Variants in BABAM2 observed in about 807,000 individuals in gnomAD.
BABAM2 encodes BRISC and BRCA1-A complex member 2.
In BABAM2, 31 loss-of-function variants were observed where a neutral mutation model predicts 54.7. The ratio of observed to expected loss-of-function variants is 0.57; its 90% confidence interval spans 0.43 to 0.77. The LOEUF (loss-of-function observed/expected upper bound fraction) is 0.77. Among genes scored for constraint, BABAM2 ranks in the 30% least tolerant of loss-of-function variants. The pLI is 0.00. For missense variants in BABAM2, 364 were observed against 455.8 expected, an observed-to-expected ratio of 0.80 and a Z score of 1.83; for synonymous variants, 167 against 162.9, an observed-to-expected ratio of 1.03 and a Z score of -0.19.
At chr2:27,975,389 T>C (rs1267846944) in intron 3 of BABAM2, among the ~76,000 whole-genome samples, 1 of 152,056 alleles carries the variant, frequency 6.6e-6, no homozygotes, top group African/African-American at 2.4e-5. Context: ...AGAAGAGCCA[T>C]AGATCAATAG....
At chr2:28,239,935 T>C (rs1434135649) in intron 8 of BABAM2, among the ~76,000 whole-genome samples, 1 of 152,168 alleles carries the variant, frequency 6.6e-6, no homozygotes, top group African/African-American at 2.4e-5. Flanking sequence ...CTTAGCCAAG[T>C]GATCAGGCCC....
At chr2:28,235,915 C>T (rs1010195776) in intron 7 of BABAM2, among the ~76,000 whole-genome samples, 37 of 152,294 alleles carry the variant, frequency 2.4e-4, no homozygotes, top group African/African-American at 8.9e-4. Context: ...CAACCTCAGC[C>T]TCCCAAAGTG....
chr2:28,107,540 G>A (rs1171480035), intron 6 of BABAM2, among the ~76,000 whole-genome samples: 2 of 152,040 alleles, frequency 1.3e-5, no homozygotes, highest in Non-Finnish European at 2.9e-5. Flanking sequence ...CTTTCCGTGT[G>A]CTGTCATCTC....
At chr2:28,015,621 T>G (rs1674744538) in intron 4 of BABAM2, among the ~76,000 whole-genome samples, 1 of 152,170 alleles carries the variant, frequency 6.6e-6, no homozygotes. Context: ...GGCTACTGAA[T>G]AGTCCAGGAA....
chr2:28,044,515 G>A (rs1370239234), intron 5 of BABAM2, among the ~76,000 whole-genome samples: 1 of 152,220 alleles, frequency 6.6e-6, no homozygotes, highest in Non-Finnish European at 1.5e-5. Context: ...ACAGGCATGA[G>A]CCACCATGCC....
chr2:28,302,194 A>G (rs1005596241), intron 11 of BABAM2, among the ~76,000 whole-genome samples: 1 of 152,186 alleles, frequency 6.6e-6, no homozygotes, highest in Non-Finnish European at 1.5e-5. Context: ...AAGCGGGCGG[A>G]TCACCTGAGG....
chr2:28,271,155 G>C (rs778666792), intron 10 of BABAM2, among the ~76,000 whole-genome samples: 1 of 152,240 alleles, frequency 6.6e-6, no homozygotes, highest in Non-Finnish European at 1.5e-5. Context: ...GGCAGTGTTT[G>C]AGATAAAAGG....
chr2:28,293,396 C>G (rs1204308604), intron 10 of BABAM2, among the ~76,000 whole-genome samples: 1 of 152,128 alleles, frequency 6.6e-6, no homozygotes, highest in African/African-American at 2.4e-5. Context: ...AGCATGTTTG[C>G]TTGGGAAGGT....
At chr2:27,925,454 A>G (rs758768448) in intron 2 of BABAM2, among the ~76,000 whole-genome samples, 5 of 151,966 alleles carry the variant, frequency 3.3e-5, no homozygotes, top group African/African-American at 2.4e-5. Flanking sequence ...AGTGGTTATT[A>G]TTATTATTAT....
intron 7 of BABAM2, among the ~76,000 whole-genome samples, chr2:28,236,794 G>C (rs1038692): frequency 0.86 from 131,115 of 152,212 alleles, 57,669 homozygotes; most frequent in East Asian, 1. Flanking sequence ...TGGCCGATAA[G>C]CTGTAGAACT....
chr2:28,258,563 C>G (rs774626599), intron 10 of BABAM2, among the ~76,000 whole-genome samples: 1 of 149,586 alleles, frequency 6.7e-6, no homozygotes, highest in African/African-American at 2.5e-5. Context: ...ATCTGCCATT[C>G]GGGTAAGTTA....
intron 6 of BABAM2, among the ~76,000 whole-genome samples, chr2:28,074,107 T>C (rs1664430921): frequency 6.6e-6 from 1 of 152,208 alleles, no homozygotes; most frequent in Non-Finnish European, 1.5e-5. Flanking sequence ...ATAATTTTTA[T>C]GACTGGTGCT....
Position 28,183,739 on chromosome 2 carries a change from T to TCTCTCA in BABAM2, c.681-53462_681-53461insTCTCAC, listed in dbSNP as rs1553336494. On this transcript the variant is annotated intron_variant, in intron 7 of 11. Transcript: ENST00000379624. Reference sequence around the variant, plus strand: ...ATTTTATGTTACTTTTGGATGAAGATCACACACACACACACACACACACAC... The same window carrying TCTCTCA: ...ATTTTATGTTACTTTTGGATGAAGATCTCTCACACACACACACACACACACACACAC... Among the ~76,000 whole-genome samples, 1,247 of 133,194 alleles carry TCTCTCA rather than the reference T, an allele frequency of 9.4e-3. 12 individuals are homozygous for TCTCTCA. The highest frequency in any genetic ancestry group is 0.026 in the East Asian group (120 of 4,642). The allele number at this position is 133,194 out of a possible 152,430, so 87.4% of individuals were successfully genotyped here.
intron 10 of BABAM2, among the ~76,000 whole-genome samples, chr2:28,262,813 C>G (rs1273979429): frequency 6.6e-6 from 1 of 152,106 alleles, no homozygotes; most frequent in African/African-American, 2.4e-5. Flanking sequence ...CTGGTTGTCC[C>G]CAGTCCAGAT....
intron 4 of BABAM2, among the ~76,000 whole-genome samples, chr2:28,021,288 G>A (rs1343895685): frequency 1.3e-5 from 2 of 152,258 alleles, no homozygotes; most frequent in African/African-American, 2.4e-5. Flanking sequence ...AGTGTTTGGA[G>A]CTTCAAAGAG....
At chr2:28,306,345 T>G (rs1343407020) in intron 11 of BABAM2, among the ~76,000 whole-genome samples, 13 of 152,224 alleles carry the variant, frequency 8.5e-5, no homozygotes, top group Non-Finnish European at 1.8e-4. Flanking sequence ...TGTGGGGTTT[T>G]GGATTCGTCT....
At position 28,243,754 on chromosome 2, in the gene BABAM2, G is replaced by A. The variant is rs187029002; in HGVS notation, c.852-1026G>A. Among the ~76,000 whole-genome samples, 530 of 152,000 alleles carry A rather than the reference G, an allele frequency of 3.5e-3. 2 individuals carry two copies. Among genetic ancestry groups the A allele is most frequent in the African/African-American group, 0.012 (503 of 41,470 alleles). ...TAGAAATATAAACTAAAGAATTGTCGACTTAAGATCTGAATGATATACCAA... is the reference window on the plus strand; with the variant it reads ...TAGAAATATAAACTAAAGAATTGTCAACTTAAGATCTGAATGATATACCAA... On this transcript the variant is annotated intron_variant, in intron 9 of 11. Coordinates refer to ENST00000379624, the MANE Select transcript of BABAM2 (RefSeq NM_199191.3).
chr2:28,192,121 G>A (rs1019315441), intron 7 of BABAM2, among the ~76,000 whole-genome samples: 12 of 152,028 alleles, frequency 7.9e-5, no homozygotes, highest in African/African-American at 1.9e-4. Context: ...TGCAAGCTCC[G>A]CCTCCTGGGT....
chr2:28,258,996 C>T (rs941590603), intron 10 of BABAM2, among the ~76,000 whole-genome samples: 4 of 139,022 alleles, frequency 2.9e-5, no homozygotes, highest in Admixed American at 7.7e-5. Flanking sequence ...AGGATGGTCT[C>T]GATCTCTTGT....
Sources: gnomAD v4.1 joint callset for allele counts (sites outside exome capture counted in the v4.1 genomes callset) on GRCh38, gnomAD v4.1.1 for gene constraint, MANE v1.5 for transcripts, NCBI Gene and HGNC (gene_info 2026-07-23, HGNC 2026-07-21) for gene names.